The following COL9A3 variants were observed in gnomAD, a reference collection of about 807,000 sequenced individuals.
COL9A3 encodes the protein collagen type IX alpha 3 chain, also known as collagen alpha-3(IX) chain.
A neutral mutation model predicts 110.2 loss-of-function variants in COL9A3; 82 were observed. The ratio of observed to expected loss-of-function variants is 0.74; its 90% confidence interval spans 0.62 to 0.89. The LOEUF is 0.89. Among genes scored for constraint, COL9A3 ranks in the 40% least tolerant of loss-of-function variants. The pLI, the probability that COL9A3 is intolerant of heterozygous loss-of-function variation, is 0.00. For missense variants in COL9A3, 1,066 were observed against 981.3 expected (o/e 1.09, Z -1.15); for synonymous variants, 494 against 403.8 (o/e 1.22, Z -2.68).
chr20:62,835,749 A>G (rs1568763585), intron 26 of COL9A3, among the ~76,000 whole-genome samples, 172 bp from the exon 27 acceptor site: 1 of 152,254 alleles, frequency 6.6e-6, no homozygotes, highest in Non-Finnish European at 1.5e-5. Flanking sequence ...AATCAGTGCA[A>G]TCACAGAAAT....
In COL9A3 at chr20:62,818,441, G is replaced by A. The variant is rs146909714; in HGVS notation, c.148-77G>A. 3.8e-4 allele frequency: 529 copies of A among 1,406,890 alleles called. 6 individuals are homozygous for A. The East Asian group carries it at 0.011, about 29-fold the overall frequency. 87.2% of individuals were successfully genotyped at this position (1,406,890 alleles called of 1,614,324 possible). A position where few individuals can be genotyped will look rare whatever the true frequency, so the allele number is the denominator to read the frequency against. On this transcript the variant is annotated intron_variant, in intron 2 of 31. Coordinates refer to ENST00000649368, the MANE Select transcript of COL9A3 (RefSeq NM_001853.4). ...CTCTGGGGCTGATTTGGAGGCCAGCGCTGCTCTTTTCCCCGAGGCGGGGTT... is the reference window on the plus strand; with the variant it reads ...CTCTGGGGCTGATTTGGAGGCCAGCACTGCTCTTTTCCCCGAGGCGGGGTT...
At chr20:62,819,136 A>G (rs1307123279) in intron 3 of COL9A3, 86 bp from the exon 4 acceptor site, 1 of 1,300,440 alleles carries the variant, frequency 7.7e-7, no homozygotes, top group Non-Finnish European at 1.1e-6. Flanking sequence ...GCTGGGGGGA[A>G]GTGGAAAGCA....
Position 62,826,003 on chromosome 20 carries a change from G to A in COL9A3, c.684+133G>A, listed in dbSNP as rs1018623259. On this transcript the variant is annotated intron_variant, in intron 13 of 31. Coordinates refer to ENST00000649368, the MANE Select transcript of COL9A3 (RefSeq NM_001853.4). ...TTGGCCAACACCCAGGCACAGGAGCGCGACCTGGCTGGGGGTCCCACCTCT... is the reference window on the plus strand; with the variant it reads ...TTGGCCAACACCCAGGCACAGGAGCACGACCTGGCTGGGGGTCCCACCTCT... 2.2e-5 allele frequency: 26 copies of A among 1,165,122 alleles called. No homozygotes were observed. The Admixed American group carries it at 4.5e-4, about 20-fold the overall frequency. The allele number at this position is 1,165,122 out of a possible 1,614,324, so 72.2% of individuals were successfully genotyped here. A position where few individuals can be genotyped will look rare whatever the true frequency, so the allele number is the denominator to read the frequency against.
At position 62,819,810 on chromosome 20, in the gene COL9A3, A is replaced by G. The variant is rs111645391; in HGVS notation, c.256-119A>G. ...GGCCAAGAGAGGAGGCTGCCACCCT[A>G]AGGGTCTTCTATGCCTCTCTGGACT... On this transcript the variant is annotated intron_variant, in intron 4 of 31. Transcript: ENST00000649368. 399 of 1,109,898 alleles carry G rather than the reference A, an allele frequency of 3.6e-4. 1 individual carries two copies. The African/African-American group carries it at 4.9e-3, about 14-fold the overall frequency. The allele number at this position is 1,109,898 out of a possible 1,614,324, so 68.8% of individuals were successfully genotyped here.
At position 62,821,507 on chromosome 20, in the gene COL9A3, G is replaced by A. The variant is rs1362214057; in HGVS notation, c.346G>A (p.Gly116Ser). 1.9e-6 allele frequency: 3 copies of A among 1,612,768 alleles called. No homozygotes were observed. Among genetic ancestry groups the A allele is most frequent in the Non-Finnish European group, 2.5e-6 (3 of 1,179,960 alleles). ...TCTGACCCCATGTTTGGCTTTGCAG[G>A]GCAAAGGCCTCCCTGGACCCCCCGT... Reference protein sequence around the residue: ...LGPPGPPGLGGKGLPGPPGEA... With the variant: ...LGPPGPPGLGSKGLPGPPGEA... Residue 116 changes from glycine to serine, a missense_variant and splice_region_variant, in exon 7 of 32, where the codon GGC (glycine) becomes AGC (serine). Gly to Ser is a moderately conservative substitution (Grantham distance 56, BLOSUM62 0). Transcript: ENST00000649368.
Position 62,836,226 on chromosome 20 carries a change from G to T in COL9A3, c.1441G>T (p.Gly481Cys). Residue 481 changes from glycine (G) to cysteine (C), a missense_variant, in exon 28 of 32, where the codon GGT (glycine) becomes TGT (cysteine). Transcript: ENST00000649368. ...GGAGCTGGGCCCCAAAGGCACCCAGGGTCCCAACGGCACCAGCGGTGTTCA... is the reference window on the plus strand; with the variant it reads ...GGAGCTGGGCCCCAAAGGCACCCAGTGTCCCAACGGCACCAGCGGTGTTCA... ...RGELGPKGTQGPNGTSGVQGV... is the reference protein window; with the variant it reads ...RGELGPKGTQCPNGTSGVQGV... The T allele has an allele frequency of 6.2e-7, 1 of 1,613,690 alleles. No homozygotes were observed. The highest frequency in any genetic ancestry group is 8.5e-7 in the Non-Finnish European group (1 of 1,179,976).
At chr20:62,826,090 A>G in intron 13 of COL9A3, 114 bp from the exon 14 acceptor site, 1 of 1,235,240 alleles carries the variant, frequency 8.1e-7, no homozygotes, top group Non-Finnish European at 1.1e-6. Flanking sequence ...GCTGAGGCTG[A>G]GGGCTCATGG....
rs1016061418 is a variant in COL9A3, at chr20:62,827,262, C to G, written c.814C>G (p.Pro272Ala). Reference sequence around the variant, plus strand: ...CCAGGGTGACCGAGGCGAGAGGGGCCCAGAAGGGTTCCGCGGCCCCAAGGG... The same window carrying G: ...CCAGGGTGACCGAGGCGAGAGGGGCGCAGAAGGGTTCCGCGGCCCCAAGGG... ...GKAGDRGERGPEGFRGPKGDL... is the reference protein window; with the variant it reads ...GKAGDRGERGAEGFRGPKGDL... The change falls in exon 16 of 32, where the codon CCA becomes GCA. Residue 272 changes from proline to alanine, a missense_variant. By Grantham distance (27) the Pro-to-Ala change is conservative. Transcript: ENST00000649368. The G allele has an allele frequency of 5.6e-5, 91 of 1,613,148 alleles. No homozygotes were observed. The highest frequency in any genetic ancestry group is 7.1e-5 in the Non-Finnish European group (84 of 1,179,978).
intron 30 of COL9A3, among the ~76,000 whole-genome samples, chr20:62,838,281 G>T (rs1362036054): frequency 6.6e-6 from 1 of 152,208 alleles, no homozygotes; most frequent in Non-Finnish European, 1.5e-5. Context: ...TGCACCCCTG[G>T]GCCGTGTGCC....
intron 17 of COL9A3, 74 bp from the exon 18 acceptor site, chr20:62,828,690 G>GC: frequency 6.5e-7 from 1 of 1,528,400 alleles, no homozygotes; most frequent in South Asian, 1.1e-5. Context: ...GAAGGAGGCT[G>GC]CCCCCAGGGC....
Position 62,828,797 on chromosome 20 carries a change from C to T in COL9A3, c.934C>T (p.Pro312Ser), listed in dbSNP as rs1451421261. The T allele has an allele frequency of 1.2e-6, 2 of 1,612,734 alleles. No individual in the cohort carries two copies. The highest frequency in any genetic ancestry group is 1.7e-6 in the Non-Finnish European group (2 of 1,179,948). Residue 312 changes from proline (P) to serine (S), a missense_variant, in exon 18 of 32, where the codon CCA becomes TCA. Transcript: ENST00000649368. Reference sequence around the variant, plus strand: ...GGGCAAGGACGGCCAGAATGGCGTGCCAGGACTCGATGGCCAGAAGGTTGG... The same window carrying T: ...GGGCAAGGACGGCCAGAATGGCGTGTCAGGACTCGATGGCCAGAAGGTTGG... Reference protein sequence around the residue: ...MPGKDGQNGVPGLDGQKGEAG... With the variant: ...MPGKDGQNGVSGLDGQKGEAG...
chr20:62,828,826 G>A lies in COL9A3; in HGVS notation c.954+9G>A, dbSNP rs1568756945. On this transcript the variant is annotated intron_variant, in intron 18 of 31. Coordinates refer to ENST00000649368, the MANE Select transcript of COL9A3 (RefSeq NM_001853.4). ...GACTCGATGGCCAGAAGGTTGGCAT[G>A]GGGCTCAGGGTGTGACGGGAGGGAG... 6.2e-7 allele frequency: 1 copy of A among 1,612,974 alleles called. No homozygotes were observed. The highest frequency in any genetic ancestry group is 1.7e-5 in the Admixed American group (1 of 60,032).
chr20:62,838,694 T>TGACAGAGGA lies in COL9A3; in HGVS notation c.1802_1810dup (p.Arg601_Asp603dup). The stretch of plus-strand genomic sequence containing the variant: ...CACACCTCGTGACAGGAAACCAGGG[T>TGACAGAGGA]GACAGAGGAGACAAAGGCGCGGCAG... On this transcript the variant is annotated inframe_insertion, in exon 31 of 32. Transcript: ENST00000649368. 1.3e-6 allele frequency: 2 copies of TGACAGAGGA among 1,552,440 alleles called. No individual in the cohort carries two copies. The highest frequency in any genetic ancestry group is 1.7e-6 in the Non-Finnish European group (2 of 1,147,452).
In COL9A3 at chr20:62,829,446, T is replaced by C. The variant is rs756068461; in HGVS notation, c.1009-9T>C. The C allele has an allele frequency of 1.2e-6, 2 of 1,612,510 alleles. No homozygotes were observed. Among genetic ancestry groups the C allele is most frequent in the East Asian group, 4.5e-5 (2 of 44,868 alleles). On this transcript the variant is annotated splice_polypyrimidine_tract_variant and intron_variant, in intron 19 of 31. Transcript: ENST00000649368. ...CTGGCAGCCCTGACCGCAAGCTCTC[T>C]CCTGGCAGGGCCTCCCTGGACGAGC...
chr20:62,816,725 C>G (rs1201855961), upstream of COL9A3, among the ~76,000 whole-genome samples: 1 of 152,204 alleles, frequency 6.6e-6, no homozygotes, highest in Non-Finnish European at 1.5e-5. Flanking sequence ...TTCAGCGCCG[C>G]GCGCTTCCGC....
At chr20:62,817,264 G>A (rs1482843610) in intron 1 of COL9A3, 122 bp downstream of exon 1, 2 of 723,406 alleles carry the variant, frequency 2.8e-6, no homozygotes, top group Non-Finnish European at 3.8e-6. Context: ...CCGTCGGGGC[G>A]CGGAGTCGCC....
chr20:62,828,878 G>C, intron 18 of COL9A3, 45 bp from the exon 19 acceptor site: 1 of 1,612,270 alleles, frequency 6.2e-7, no homozygotes, highest in Non-Finnish European at 8.5e-7. Context: ...TCGGCCTCCC[G>C]AGGCCTCAGC....
chr20:62,830,405 G>T lies in COL9A3; in HGVS notation c.1207G>T (p.Gly403Cys). 1 of 1,569,826 alleles carries T rather than the reference G, an allele frequency of 6.4e-7. No individual in the cohort carries two copies. The highest frequency in any genetic ancestry group is 8.6e-7 in the Non-Finnish European group (1 of 1,157,326). The part of the protein sequence containing the change: ...QGPPGAPGVR[G>C]FQGQKGSMGD... Reference sequence around the variant, plus strand: ...CCCTCCCGGAGCCCCTGGTGTCCGAGGCTTCCAGGTGGGTGAGGTTGGGGC... The same window carrying T: ...CCCTCCCGGAGCCCCTGGTGTCCGATGCTTCCAGGTGGGTGAGGTTGGGGC... The change falls in exon 23 of 32, where the codon GGC (glycine) becomes TGC (cysteine). Residue 403 changes from glycine to cysteine, a missense_variant. By Grantham distance (159) the Gly-to-Cys change is radical. Transcript: ENST00000649368.
intron 27 of COL9A3, 56 bp from the exon 28 acceptor site, chr20:62,836,131 G>A: frequency 6.2e-7 from 1 of 1,604,954 alleles, no homozygotes; most frequent in Non-Finnish European, 8.5e-7. Context: ...AGCACGTCGG[G>A]GTGGCTCTGG....
Sources: allele counts gnomAD v4.1 joint callset (sites outside exome capture counted in the v4.1 genomes callset), GRCh38; gene constraint gnomAD v4.1.1; transcripts MANE v1.5; gene names NCBI Gene and HGNC (gene_info 2026-07-23, HGNC 2026-07-21).